Variants in SSH1 observed in about 807,000 individuals in gnomAD.
SSH1 encodes the protein slingshot protein phosphatase 1, also known as protein phosphatase Slingshot homolog 1.
Under a neutral mutation model 79.7 loss-of-function variants are expected in SSH1, and 43 were observed. The ratio of observed to expected loss-of-function variants is 0.54; its 90% CI spans 0.42 to 0.70. The LOEUF is 0.70. SSH1 is among the 30% of genes least tolerant of loss of function. The probability of loss-of-function intolerance (pLI) is 0.00; values close to 1 mark genes in which losing one functional copy is unlikely to be tolerated. For missense variants in SSH1, 1,206 were observed against 1,358.8 expected, an observed-to-expected ratio of 0.89 and a Z score of 1.77; for synonymous variants, 599 against 538.3, an observed-to-expected ratio of 1.11 and a Z score of -1.56.
Position 108,787,874 on chromosome 12 carries a change from G to T in SSH1, c.*114C>A. 7.4e-7 allele frequency: 1 copy of T among 1,354,962 alleles called. No homozygotes were observed. Among genetic ancestry groups the T allele is most frequent in the Admixed American group, 1.9e-5 (1 of 53,402 alleles). 83.9% of individuals were successfully genotyped at this position (1,354,962 alleles called of 1,614,324 possible). ...GCAAGAGTAGGGGAAAAGTTAGGAT[G>T]ACTTCACTCGTTTAAGGGAAATCAA... On this transcript the variant is annotated 3_prime_UTR_variant, in exon 15 of 15. Transcript: ENST00000326495.
chr12:108,798,587 C>T (rs375074519), intron 13 of SSH1, among the ~76,000 whole-genome samples: 11 of 152,174 alleles, frequency 7.2e-5, no homozygotes, highest in African/African-American at 1.2e-4. Context: ...TCATCAGTGG[C>T]GGAACCTGGT....
chr12:108,835,051 G>A (rs965618279), intron 2 of SSH1, among the ~76,000 whole-genome samples: 1 of 152,158 alleles, frequency 6.6e-6, no homozygotes, highest in Non-Finnish European at 1.5e-5. Flanking sequence ...TGACAACTGA[G>A]TGCTTCAAAT....
At chr12:108,853,422 A>T in intron 1 of SSH1, 2 of 896,378 alleles carry the variant, frequency 2.2e-6, no homozygotes, top group Non-Finnish European at 2.7e-6. Context: ...CACCGCTGGG[A>T]CTTGGCATGT....
chr12:108,812,445 A>C (rs1458810502), intron 5 of SSH1, among the ~76,000 whole-genome samples: 1 of 152,222 alleles, frequency 6.6e-6, no homozygotes, highest in Non-Finnish European at 1.5e-5. Context: ...AACCCTCACC[A>C]GGAACTCATA....
intron 2 of SSH1, among the ~76,000 whole-genome samples, chr12:108,829,291 T>C (rs1247719853): frequency 6.6e-6 from 1 of 152,144 alleles, no homozygotes; most frequent in Non-Finnish European, 1.5e-5. Flanking sequence ...CGCACCACTG[T>C]ACTCCAGCCT....
At chr12:108,812,839 C>T (rs187321586) in intron 5 of SSH1, among the ~76,000 whole-genome samples, 1 of 151,142 alleles carries the variant, frequency 6.6e-6, no homozygotes, top group Non-Finnish European at 1.5e-5. Flanking sequence ...GGAAGGAAGA[C>T]CCATGGGAAG....
At position 108,788,528 on chromosome 12, in the gene SSH1, G is replaced by A. The variant is rs767039545; in HGVS notation, c.2610C>T (p.Pro870=). 3 of 1,565,074 alleles carry A rather than the reference G, an allele frequency of 1.9e-6. No individual in the cohort carries two copies. The highest frequency in any genetic ancestry group is 1.9e-5 in the Admixed American group (1 of 53,592). Residue 870 remains proline (P), a synonymous_variant, in exon 15 of 15, where the codon CCC becomes CCT. Transcript: ENST00000326495. ...QDPAALHELG[P]LVMPSQAGSD... The stretch of plus-strand genomic sequence containing the variant: ...TCCCGGCCTGGCTGGGCATAACCAG[G>A]GGGCCCAGCTCGTGGAGCGCGGCTG...
intron 8 of SSH1, among the ~76,000 whole-genome samples, chr12:108,806,989 G>A (rs556784019): frequency 1.3e-5 from 2 of 152,294 alleles, no homozygotes; most frequent in African/African-American, 4.8e-5. Context: ...ACACACTGTG[G>A]TTTATCCATA....
Position 108,845,732 on chromosome 12 carries a change from T to C in SSH1, c.110+6906A>G, listed in dbSNP as rs116867186. Among the ~76,000 whole-genome samples the C allele has an allele frequency of 2.6e-5, 4 of 152,350 alleles. No individual in the cohort carries two copies. The East Asian group carries it at 5.8e-4, about 22-fold the overall frequency. ...ATATATTGTTTAACTGTTAAGTTAG[T>C]GGTAACTTGTCATGCAGCAGGCAAT... On this transcript the variant is annotated intron_variant, in intron 2 of 14. Transcript: ENST00000326495.
intron 7 of SSH1, 78 bp downstream of exon 7, chr12:108,809,615 T>G: frequency 8.1e-7 from 1 of 1,234,744 alleles, no homozygotes; most frequent in Non-Finnish European, 1.2e-6. Flanking sequence ...AGCTTCTTGG[T>G]AGAAGGGGTT....
Position 108,788,101 on chromosome 12 carries a change from A to G in SSH1, c.3037T>C (p.Ser1013Pro), listed in dbSNP as rs377399730. Residue 1013 changes from serine to proline, a missense_variant, in exon 15 of 15, where the codon TCC (serine) becomes CCC (proline). Physicochemically the swap from Ser to Pro is moderately conservative, Grantham distance 74 (BLOSUM62 -1). Transcript: ENST00000326495. ...GTTCCCTGGGGCTCATGCAAGAAGG[A>G]AGATTCACTCAAAGTGGTGTCCTGG... ...DSQDTTLSES[S>P]FLHEPQGTPR... 1.1e-5 allele frequency: 17 copies of G among 1,613,826 alleles called. No homozygotes were observed. Among genetic ancestry groups the G allele is most frequent in the South Asian group, 3.3e-5 (3 of 91,064 alleles).
At position 108,789,123 on chromosome 12, in the gene SSH1, T is replaced by C. The variant is rs143702605; in HGVS notation, c.2015A>G (p.Asn672Ser). 1.5e-4 allele frequency: 248 copies of C among 1,613,884 alleles called. No individual in the cohort carries two copies. The African/African-American group carries it at 2.2e-3, about 14-fold the overall frequency. The change falls in exon 15 of 15, where the codon AAT (asparagine) becomes AGT (serine). Residue 672 changes from asparagine (N) to serine (S), a missense_variant. This residue lies in a region of SSH1 where 709 missense variants were observed against 730.6 expected (regional missense o/e 0.97). Coordinates refer to ENST00000326495, the MANE Select transcript of SSH1 (RefSeq NM_018984.4). ...TGGCTGGGTGCAGATGGCGGGAGCA[T>C]TGGGGTCCTCACATCGCTCCCTGGA... ...EASRERCEDPNAPAICTQPAF... is the reference protein window; with the variant it reads ...EASRERCEDPSAPAICTQPAF...
intron 2 of SSH1, 62 bp from the exon 3 acceptor site, chr12:108,823,423 A>G: frequency 7.3e-7 from 1 of 1,369,010 alleles, no homozygotes; most frequent in Non-Finnish European, 1.0e-6. Context: ...TGGACAAAGA[A>G]TTACTGCAGG....
chr12:108,837,387 T>C (rs923330985), intron 2 of SSH1, among the ~76,000 whole-genome samples: 12 of 152,236 alleles, frequency 7.9e-5, no homozygotes, highest in Non-Finnish European at 1.6e-4. Flanking sequence ...CTGGGACATA[T>C]GGTGACTCTT....
rs755960464 is a variant in SSH1, at chr12:108,792,666, G to A, written c.1513C>T (p.Pro505Ser). ...CGCCGGAAACAGCAGGGGAGGGGGG[G>A]CCCTAAGCCGGGCTGGGCGGCATCA... ...LDDAAQPGLG[P>S]PLPCCFRRLS... The change falls in exon 14 of 15, where the codon CCC becomes TCC. Residue 505 changes from proline (P) to serine (S), a missense_variant. Physicochemically the swap from Pro to Ser is moderately conservative, Grantham distance 74. Around this residue, in one of 5 missense-constraint regions of SSH1, gnomAD observed 709 missense variants for 730.6 expected, o/e 0.97. Transcript: ENST00000326495. The A allele has an allele frequency of 6.2e-7, 1 of 1,611,888 alleles. No individual in the cohort carries two copies. The highest frequency in any genetic ancestry group is 2.2e-5 in the East Asian group (1 of 44,876).
intron 2 of SSH1, among the ~76,000 whole-genome samples, chr12:108,826,976 C>A (rs527841881): frequency 6.6e-6 from 1 of 150,948 alleles, no homozygotes; most frequent in Non-Finnish European, 1.5e-5. Flanking sequence ...CTTCCTCCAC[C>A]GCTGTAAGAA....
intron 2 of SSH1, among the ~76,000 whole-genome samples, chr12:108,831,130 G>A (rs546839650): frequency 6.6e-6 from 1 of 152,272 alleles, no homozygotes; most frequent in South Asian, 2.1e-4. Flanking sequence ...AAAAAAAGTA[G>A]AGAATATGAG....
intron 2 of SSH1, among the ~76,000 whole-genome samples, chr12:108,846,540 G>A (rs2038902905): frequency 6.6e-6 from 1 of 152,266 alleles, no homozygotes; most frequent in Non-Finnish European, 1.5e-5. Flanking sequence ...GAAGGCAGGG[G>A]AGAGCGAGGG....
intron 2 of SSH1, among the ~76,000 whole-genome samples, chr12:108,843,245 A>G (rs565289749): frequency 1.3e-5 from 2 of 152,160 alleles, no homozygotes; most frequent in African/African-American, 2.4e-5. Context: ...CGATATTACT[A>G]AACTGCAACG....
Sources: allele counts gnomAD v4.1 joint callset (sites outside exome capture counted in the v4.1 genomes callset), GRCh38; gene constraint gnomAD v4.1.1; regional missense constraint gnomAD v4.1.1; transcripts MANE v1.5; gene names NCBI Gene and HGNC (gene_info 2026-07-23, HGNC 2026-07-21).